NEDD4L: variants seen among roughly 807,000 people sequenced by gnomAD.
NEDD4L encodes the protein NEDD4 like E3 ubiquitin protein ligase.
In NEDD4L, 54 loss-of-function variants were observed where a neutral mutation model predicts 148.9. That is an observed-to-expected ratio of 0.36 (90% CI 0.29 to 0.45). The LOEUF is 0.45. Among genes scored for constraint, NEDD4L ranks in the 20% least tolerant of loss-of-function variants. The pLI is 1.00. For missense variants in NEDD4L, 856 were observed against 1,233.8 expected, an observed-to-expected ratio of 0.69 and a Z score of 4.59; for synonymous variants, 433 against 440.7, an observed-to-expected ratio of 0.98 and a Z score of 0.22.
chr18:58,099,479 C>T (rs889644871), intron 1 of NEDD4L, among the ~76,000 whole-genome samples: 3 of 152,194 alleles, frequency 2.0e-5, no homozygotes, highest in African/African-American at 7.2e-5. Context: ...TTCTCATGCA[C>T]ATGACCCACA....
In NEDD4L at chr18:58,074,299, C is replaced by T. The variant is rs541369365; in HGVS notation, c.48+29591C>T. The stretch of plus-strand genomic sequence containing the variant: ...TTTTTAAGACAGAGTCTCACTCTGT[C>T]CCAGGTTGGAGTGCAGTGATGCCAT... On this transcript the variant is annotated intron_variant, in intron 1 of 30. Coordinates refer to ENST00000400345, the MANE Select transcript of NEDD4L (RefSeq NM_001144967.3). Among the ~76,000 whole-genome samples, 4 of 150,928 alleles carry T rather than the reference C, an allele frequency of 2.7e-5. No individual in the cohort carries two copies. The East Asian group carries it at 7.8e-4, about 29-fold the overall frequency.
intron 3 of NEDD4L, among the ~76,000 whole-genome samples, chr18:58,248,602 G>A (rs2047550378): frequency 6.6e-6 from 1 of 152,124 alleles, no homozygotes; most frequent in Admixed American, 6.5e-5. Context: ...TCATATCAAT[G>A]CTAATTTCTT....
chr18:58,113,866 T>G, intron 1 of NEDD4L, among the ~76,000 whole-genome samples: 1 of 151,998 alleles, frequency 6.6e-6, no homozygotes, highest in Non-Finnish European at 1.5e-5. Context: ...GGACAAGTTA[T>G]GAACTGAGAC....
chr18:58,387,246 C>T (rs573964118), intron 26 of NEDD4L, among the ~76,000 whole-genome samples, 193 bp from the exon 27 acceptor site: 9 of 152,254 alleles, frequency 5.9e-5, no homozygotes, highest in South Asian at 2.1e-4. Context: ...AGATTCTATG[C>T]TTTTTCGAAA....
At chr18:58,347,214 GCCC>G (rs1293604264) in intron 16 of NEDD4L, among the ~76,000 whole-genome samples, 5 of 34,034 alleles carry the variant, frequency 1.5e-4, no homozygotes, top group African/African-American at 5.7e-4. Flanking sequence ...GGCCCCCCCC[GCCC>G]CCCCCCCCCC....
Position 58,256,397 on chromosome 18 carries a change from G to A in NEDD4L, c.297+4343G>A. 4 of 1,232,344 alleles carry A rather than the reference G, an allele frequency of 3.2e-6. No individual in the cohort carries two copies. In the South Asian group the frequency reaches 1.2e-4, roughly 38 times the overall value. 76.3% of individuals were successfully genotyped at this position (1,232,344 alleles called of 1,614,324 possible). A position where few individuals can be genotyped will look rare whatever the true frequency, so the allele number is the denominator to read the frequency against. On this transcript the variant is annotated intron_variant, in intron 5 of 30. Transcript: ENST00000400345. This position sits in a 1 kb window ranked among gnomAD's most constrained non-coding sequence, Gnocchi z 5.2. Reference sequence around the variant, plus strand: ...CCAGTTGCAGCAGCCCCAACAAGGCGCTTCGGGGCCAGGCAGCGACCTCAA... The same window carrying A: ...CCAGTTGCAGCAGCCCCAACAAGGCACTTCGGGGCCAGGCAGCGACCTCAA...
intron 5 of NEDD4L, among the ~76,000 whole-genome samples, chr18:58,298,334 T>C (rs1262483146): frequency 6.6e-6 from 1 of 152,216 alleles, no homozygotes; most frequent in Admixed American, 6.5e-5. Context: ...TGGGAATACC[T>C]GATGTTCAGC....
intron 1 of NEDD4L, among the ~76,000 whole-genome samples, chr18:58,155,298 T>A (rs948512597): frequency 1.8e-4 from 27 of 150,924 alleles, no homozygotes; most frequent in African/African-American, 6.6e-4. Context: ...CAATTTGACT[T>A]TGATAGTTTT....
chr18:58,081,245 A>T (rs772037373), intron 1 of NEDD4L, among the ~76,000 whole-genome samples: 4 of 128,736 alleles, frequency 3.1e-5, no homozygotes, highest in Non-Finnish European at 6.2e-5. Context: ...AGATGGAGTC[A>T]CGCTCTGTCG....
At chr18:58,204,243 G>T (rs1259433965) in intron 2 of NEDD4L, among the ~76,000 whole-genome samples, 3 of 152,100 alleles carry the variant, frequency 2.0e-5, no homozygotes, top group Admixed American at 2.0e-4. Flanking sequence ...CAGGAGAATT[G>T]CTTGAACCTG....
intron 1 of NEDD4L, among the ~76,000 whole-genome samples, chr18:58,087,814 C>G (rs369806961): frequency 3.0e-4 from 46 of 152,320 alleles, no homozygotes; most frequent in African/African-American, 1.0e-3. Context: ...GCGGAGGTTA[C>G]GGTGAGCTGA....
intron 2 of NEDD4L, among the ~76,000 whole-genome samples, chr18:58,236,528 C>A (rs1438566366): frequency 6.6e-6 from 1 of 152,070 alleles, no homozygotes; most frequent in Non-Finnish European, 1.5e-5. Context: ...TTTTCTTTGC[C>A]TCCTGGCCTC....
At chr18:58,143,781 A>T (rs1032488901) in intron 1 of NEDD4L, among the ~76,000 whole-genome samples, 1 of 152,224 alleles carries the variant, frequency 6.6e-6, no homozygotes, top group Admixed American at 6.5e-5. Context: ...GACAGCCCAC[A>T]GCTGTCGAAG....
chr18:58,084,938 TCCCACCTCAGCCC>T (rs1466079229), intron 1 of NEDD4L, among the ~76,000 whole-genome samples: 1 of 151,888 alleles, frequency 6.6e-6, no homozygotes, highest in Non-Finnish European at 1.5e-5. Flanking sequence ...CAAGTGATCC[TCCCACCTCAGCCC>T]CCCAACATGC....
At chr18:58,393,213 C>T (rs1037036149) in intron 30 of NEDD4L, among the ~76,000 whole-genome samples, 1 of 152,134 alleles carries the variant, frequency 6.6e-6, no homozygotes, top group Admixed American at 6.5e-5. Flanking sequence ...TTTCGGAGCC[C>T]ACATGATTCT....
At chr18:58,283,050 C>CTTAT (rs10555499) in intron 5 of NEDD4L, among the ~76,000 whole-genome samples, 6,385 of 150,182 alleles carry the variant, frequency 0.043, 151 homozygotes, top group South Asian at 0.072. Flanking sequence ...TGCACACTGC[C>CTTAT]TTATTTATTT....
chr18:58,123,381 T>G (rs2030358757), intron 1 of NEDD4L, among the ~76,000 whole-genome samples: 1 of 152,206 alleles, frequency 6.6e-6, no homozygotes. Context: ...TGAAATCGTC[T>G]TGGAAATCCC....
intron 5 of NEDD4L, among the ~76,000 whole-genome samples, chr18:58,285,289 C>T (rs1480828054): frequency 6.6e-6 from 1 of 151,986 alleles, no homozygotes; most frequent in Non-Finnish European, 1.5e-5. Context: ...TAAAAGTCTC[C>T]AAGAAGCTAA....
intron 2 of NEDD4L, among the ~76,000 whole-genome samples, chr18:58,223,704 A>G (rs2044026038): frequency 6.6e-6 from 1 of 152,256 alleles, no homozygotes; most frequent in Non-Finnish European, 1.5e-5. Flanking sequence ...CTAGTAACAT[A>G]GACGGGGCTT....
Sources: gnomAD v4.1 joint callset for allele counts (sites outside exome capture counted in the v4.1 genomes callset) on GRCh38, gnomAD v4.1.1 for gene constraint, Gnocchi (gnomAD v3.1) non-coding constraint, MANE v1.5 for transcripts, NCBI Gene and HGNC (gene_info 2026-07-23, HGNC 2026-07-21) for gene names.